Variants in PBX3 observed in about 807,000 individuals in gnomAD.
PBX3 encodes pre-B-cell leukemia transcription factor 3.
PBX3 carries 14 observed loss-of-function variants against 48.5 expected under a neutral mutation model. The ratio of observed to expected loss-of-function variants is 0.29; its 90% CI spans 0.19 to 0.45. The LOEUF is 0.45. Among genes scored for constraint, PBX3 ranks in the 20% least tolerant of loss-of-function variants. The pLI, the probability that PBX3 is intolerant of heterozygous loss-of-function variation, is 1.00. For missense variants in PBX3, 386 were observed against 546.7 expected (o/e 0.71, Z 2.93); for synonymous variants, 210 against 200.3 (o/e 1.05, Z -0.41).
intron 2 of PBX3, among the ~76,000 whole-genome samples, chr9:125,915,420 G>T (rs1841304135): frequency 1.3e-5 from 2 of 152,174 alleles, no homozygotes; most frequent in South Asian, 4.1e-4. Flanking sequence ...GGAAGCCAGG[G>T]TTACCTTTTT....
chr9:125,905,803 A>G (rs1841057204), intron 2 of PBX3, among the ~76,000 whole-genome samples: 1 of 151,972 alleles, frequency 6.6e-6, no homozygotes, highest in Non-Finnish European at 1.5e-5. Flanking sequence ...TTATATTTCT[A>G]AGTAAATAAA....
chr9:125,951,886 T>C (rs938052277), intron 5 of PBX3, among the ~76,000 whole-genome samples: 4 of 152,210 alleles, frequency 2.6e-5, no homozygotes, highest in Admixed American at 6.5e-5. Flanking sequence ...TCTGTCCTTA[T>C]AGAAACTGTA....
chr9:125,796,857 T>C (rs1007010316), intron 2 of PBX3, among the ~76,000 whole-genome samples: 12 of 152,114 alleles, frequency 7.9e-5, no homozygotes, highest in African/African-American at 2.4e-4. Flanking sequence ...GTAGTCCTTA[T>C]GGACGTACAC....
chr9:125,777,805 G>T (rs1233170063), intron 2 of PBX3, among the ~76,000 whole-genome samples: 1 of 151,998 alleles, frequency 6.6e-6, no homozygotes, highest in Non-Finnish European at 1.5e-5. Flanking sequence ...ATCTCTTAAG[G>T]TAATTTGTGT....
rs1564163212 is a variant in PBX3 at position 125,899,274 on chromosome 9, CATATGTATATATATTTATATATAAAT to C, written c.275-16408_275-16383del. On this transcript the variant is annotated intron_variant, in intron 2 of 8. Coordinates refer to ENST00000373489, the MANE Select transcript of PBX3 (RefSeq NM_006195.6). ...GTATATATATTTATATATAAATATA[CATATGTATATATATTTATATATAAAT>C]ATACATATATGTATATATTTTTATA... Among the ~76,000 whole-genome samples the C allele has an allele frequency of 2.4e-3, 255 of 104,498 alleles. 4 individuals are homozygous for C. The highest frequency in any genetic ancestry group is 9.0e-3 in the African/African-American group (242 of 26,984). The allele number at this position is 104,498 out of a possible 152,430, so 68.6% of individuals were successfully genotyped here. A position where few individuals can be genotyped will look rare whatever the true frequency, so the allele number is the denominator to read the frequency against.
At chr9:125,871,486 A>G (rs1430664174) in intron 2 of PBX3, among the ~76,000 whole-genome samples, 1 of 152,222 alleles carries the variant, frequency 6.6e-6, no homozygotes, top group African/African-American at 2.4e-5. Context: ...ATGAGTAGGA[A>G]TGAACTCTTC....
At chr9:125,937,693 C>T (rs1245522296) in intron 5 of PBX3, among the ~76,000 whole-genome samples, 1 of 152,212 alleles carries the variant, frequency 6.6e-6, no homozygotes, top group African/African-American at 2.4e-5. Flanking sequence ...CAGGGTCTCG[C>T]TCTGTCACAC....
intron 3 of PBX3, among the ~76,000 whole-genome samples, chr9:125,925,477 C>CT (rs1841555351): frequency 6.6e-6 from 1 of 151,882 alleles, no homozygotes; most frequent in African/African-American, 2.4e-5. Flanking sequence ...TCTTTCTTTT[C>CT]TTTCTCTCAC....
chr9:125,765,116 G>A (rs10986885), intron 2 of PBX3, among the ~76,000 whole-genome samples: 3,056 of 151,164 alleles, frequency 0.02, 172 homozygotes, highest in East Asian at 0.17. Flanking sequence ...AAATGGCATC[G>A]TTTAAAGTTG....
At chr9:125,916,451 A>T (rs1271862416) in intron 3 of PBX3, among the ~76,000 whole-genome samples, 1 of 152,188 alleles carries the variant, frequency 6.6e-6, no homozygotes, top group Non-Finnish European at 1.5e-5. Context: ...TCCCAAGATA[A>T]TTATGGGTAC....
intron 2 of PBX3, among the ~76,000 whole-genome samples, chr9:125,854,741 T>C (rs1190907451): frequency 6.6e-6 from 1 of 152,222 alleles, no homozygotes; most frequent in Non-Finnish European, 1.5e-5. Flanking sequence ...TTATAAGCAT[T>C]GCAATCATTG....
At chr9:125,752,239 A>G (rs1019457517) in intron 2 of PBX3, among the ~76,000 whole-genome samples, 2 of 152,198 alleles carry the variant, frequency 1.3e-5, no homozygotes, top group African/African-American at 2.4e-5. Flanking sequence ...TGTGAGGCTT[A>G]TAAGTAGGAC....
intron 2 of PBX3, among the ~76,000 whole-genome samples, chr9:125,860,822 G>T (rs1278853260): frequency 6.7e-6 from 1 of 150,192 alleles, no homozygotes; most frequent in Non-Finnish European, 1.5e-5. Context: ...AGGAGGCAGA[G>T]GTTGCAGTGA....
chr9:125,757,095 T>G (rs998987105), intron 2 of PBX3, among the ~76,000 whole-genome samples: 1 of 152,178 alleles, frequency 6.6e-6, no homozygotes, highest in South Asian at 2.1e-4. Flanking sequence ...GAAGGACTTA[T>G]GAAATTCTTG....
At chr9:125,833,813 T>C (rs1350961902) in intron 2 of PBX3, among the ~76,000 whole-genome samples, 1 of 152,230 alleles carries the variant, frequency 6.6e-6, no homozygotes, top group Non-Finnish European at 1.5e-5. Flanking sequence ...AATATTTGTG[T>C]ATAAGTTTTT....
At chr9:125,757,061 A>C (rs1021505919) in intron 2 of PBX3, among the ~76,000 whole-genome samples, 9 of 152,198 alleles carry the variant, frequency 5.9e-5, no homozygotes. Flanking sequence ...AAGCCCTGCA[A>C]ATAATTTATA....
chr9:125,825,690 G>C (rs533608283), intron 2 of PBX3, among the ~76,000 whole-genome samples: 1 of 152,212 alleles, frequency 6.6e-6, no homozygotes. Flanking sequence ...AGCCCTGAGG[G>C]TACCTCAGTG....
At chr9:125,751,824 A>G (rs1284359524) in intron 2 of PBX3, among the ~76,000 whole-genome samples, 2 of 152,076 alleles carry the variant, frequency 1.3e-5, no homozygotes, top group South Asian at 2.1e-4. Context: ...TCACCTGCAT[A>G]CCTCTTTTGG....
At position 125,788,715 on chromosome 9, in the gene PBX3, A is replaced by G. The variant is rs145664166; in HGVS notation, c.274+40092A>G. ...CAGTGAAACCCCGTCTCTACTAAAA[A>G]ACACAAAAAATTAGCTGGTTGCGGC... is the stretch of plus-strand genomic sequence containing the variant. On this transcript the variant is annotated intron_variant, in intron 2 of 8. Coordinates refer to ENST00000373489, the MANE Select transcript of PBX3 (RefSeq NM_006195.6). Among the ~76,000 whole-genome samples the G allele has an allele frequency of 8.4e-3, 1,286 of 152,192 alleles. 17 individuals carry two copies. Among genetic ancestry groups the G allele is most frequent in the African/African-American group, 0.029 (1,219 of 41,510 alleles).
Sources: gnomAD v4.1 joint callset for allele counts (sites outside exome capture counted in the v4.1 genomes callset) on GRCh38, gnomAD v4.1.1 for gene constraint, MANE v1.5 for transcripts, NCBI Gene and HGNC (gene_info 2026-07-23, HGNC 2026-07-21) for gene names.